The following LNX2 variants were observed in gnomAD, a reference collection of about 807,000 sequenced individuals.
The protein encoded by LNX2 is ligand of numb-protein X 2.
A neutral mutation model predicts 66.2 loss-of-function variants in LNX2; 35 were observed. The ratio of observed to expected loss-of-function variants is 0.53; its 90% CI spans 0.40 to 0.70. The LOEUF (loss-of-function observed/expected upper bound fraction) is 0.70, where lower values mean the gene tolerates loss of function less well. Among genes scored for constraint, LNX2 ranks in the 30% least tolerant of loss-of-function variants. The pLI is 0.00. For synonymous variants in LNX2, 337 were observed against 315.6 expected (o/e 1.07, Z -0.72); for missense variants, 791 against 850.8 (o/e 0.93, Z 0.87).
chr13:27,562,114 T>C (rs1274423666), intron 5 of LNX2, among the ~76,000 whole-genome samples: 2 of 152,208 alleles, frequency 1.3e-5, no homozygotes, highest in Non-Finnish European at 2.9e-5. Flanking sequence ...GGACATATCA[T>C]CTGCTACATC....
Position 27,548,129 on chromosome 13 carries a change from G to T in LNX2, c.*206C>A. 1.9e-6 allele frequency: 1 copy of T among 538,996 alleles called. No individual in the cohort carries two copies. The highest frequency in any genetic ancestry group is 3.3e-6 in the Non-Finnish European group (1 of 305,178). 33.4% of individuals were successfully genotyped at this position (538,996 alleles called of 1,614,324 possible). ...TGAAAATATAAACTCACAAAGGTTA[G>T]TGGAAGACTGTTTCCAAGCTAAAAG... On this transcript the variant is annotated 3_prime_UTR_variant, in exon 10 of 10. Transcript: ENST00000316334.
intron 6 of LNX2, among the ~76,000 whole-genome samples, chr13:27,558,529 C>A (rs1347369376): frequency 6.6e-6 from 1 of 151,936 alleles, no homozygotes; most frequent in South Asian, 2.1e-4. Flanking sequence ...TATATACACC[C>A]CTATCTCAAA....
chr13:27,568,992 T>A, intron 3 of LNX2, 37 bp downstream of exon 3: 1 of 1,552,774 alleles, frequency 6.4e-7, no homozygotes, highest in Non-Finnish European at 8.7e-7. Context: ...AGAAAGGAAA[T>A]AGAGATGAAA....
At chr13:27,602,761 A>G (rs749184231) in intron 1 of LNX2, among the ~76,000 whole-genome samples, 19 of 152,186 alleles carry the variant, frequency 1.2e-4, no homozygotes, top group Non-Finnish European at 2.5e-4. Context: ...ACCTTTCCCA[A>G]AGTGGTTGTA....
Position 27,592,514 on chromosome 13 carries a change from G to A in LNX2, c.-100-10711C>T, listed in dbSNP as rs138921013. Among the ~76,000 whole-genome samples the A allele has an allele frequency of 3.2e-3, 490 of 152,300 alleles. 5 individuals carry two copies. The highest frequency in any genetic ancestry group is 0.01 in the African/African-American group (421 of 41,566). Reference sequence around the variant, plus strand: ...GGACTGCCTGTTAGATTTCTAAGAAGAGACACTGAATAGACAGTTGCACAC... The same window carrying A: ...GGACTGCCTGTTAGATTTCTAAGAAAAGACACTGAATAGACAGTTGCACAC... On this transcript the variant is annotated intron_variant, in intron 1 of 9. Coordinates refer to ENST00000316334, the MANE Select transcript of LNX2 (RefSeq NM_153371.4).
intron 5 of LNX2, among the ~76,000 whole-genome samples, chr13:27,560,247 G>A (rs1300244197): frequency 1.3e-5 from 2 of 152,008 alleles, no homozygotes; most frequent in Admixed American, 6.6e-5. Context: ...AAGGCAAAGT[G>A]GTCACACTGC....
In LNX2 at chr13:27,567,853, A is replaced by T. The variant is rs763845747; in HGVS notation, c.656-14T>A. 6.2e-7 allele frequency: 1 copy of T among 1,608,484 alleles called. No individual in the cohort carries two copies. Among genetic ancestry groups the T allele is most frequent in the Admixed American group, 1.7e-5 (1 of 59,968 alleles). On this transcript the variant is annotated splice_polypyrimidine_tract_variant and intron_variant, in intron 3 of 9. Coordinates refer to ENST00000316334, the MANE Select transcript of LNX2 (RefSeq NM_153371.4). Reference sequence around the variant, plus strand: ...GCTGTTGTGTGGCTGCCAAGTTAAAAATGAGACAGACAAAAACAGATGTTA... The same window carrying T: ...GCTGTTGTGTGGCTGCCAAGTTAAATATGAGACAGACAAAAACAGATGTTA...
Position 27,581,361 on chromosome 13 carries a change from G to A in LNX2, c.343C>T (p.Pro115Ser). Residue 115 changes from proline to serine, a missense_variant, in exon 2 of 10, where the codon CCA becomes TCA. By Grantham distance (74) the Pro-to-Ser change is moderately conservative. Coordinates refer to ENST00000316334, the MANE Select transcript of LNX2 (RefSeq NM_153371.4). ...ACATCTTTGCACACTGAAGAAAATG[G>A]ACATAAAACTAATAATTTGTCTAGG... ...KLLDKLLVLC[P>S]FSSVCKDVMQ... The A allele has an allele frequency of 6.4e-7, 1 of 1,570,406 alleles. No individual in the cohort carries two copies. Among genetic ancestry groups the A allele is most frequent in the Non-Finnish European group, 8.7e-7 (1 of 1,154,686 alleles).
intron 1 of LNX2, among the ~76,000 whole-genome samples, chr13:27,613,916 C>T (rs1157862502): frequency 6.6e-6 from 1 of 152,214 alleles, no homozygotes; most frequent in Non-Finnish European, 1.5e-5. Context: ...CCCAGCACTT[C>T]TTAGGTACTT....
intron 1 of LNX2, among the ~76,000 whole-genome samples, chr13:27,615,151 G>A (rs553191755): frequency 6.6e-6 from 1 of 152,184 alleles, no homozygotes; most frequent in African/African-American, 2.4e-5. Flanking sequence ...GACACCAGTC[G>A]CAAGTGCAGG....
At chr13:27,573,439 T>C (rs1955306965) in intron 2 of LNX2, among the ~76,000 whole-genome samples, 1 of 98,292 alleles carries the variant, frequency 1.0e-5, no homozygotes, top group African/African-American at 4.7e-5. Flanking sequence ...TGTTAAGCAT[T>C]GGTTAAAAAA....
At chr13:27,565,584 TA>T (rs367626624) in intron 4 of LNX2, among the ~76,000 whole-genome samples, 16 of 152,310 alleles carry the variant, frequency 1.1e-4, no homozygotes, top group African/African-American at 3.6e-4. Context: ...GCTAAAGTAC[TA>T]ATATCATAAA....
Position 27,553,368 on chromosome 13 carries a change from T to G in LNX2, c.1618A>C (p.Lys540Gln), listed in dbSNP as rs778815401. Residue 540 changes from lysine (K) to glutamine (Q), a missense_variant, in exon 8 of 10, where the codon AAA (lysine) becomes CAA (glutamine). Coordinates refer to ENST00000316334, the MANE Select transcript of LNX2 (RefSeq NM_153371.4). ...LSHSEAVAML[K>Q]ASAASPAVAL... The stretch of plus-strand genomic sequence containing the variant: ...ACAGCAGGGGACGCGGCACTGGCTT[T>G]CAGCATTGCAACTGCCTCACTGTGA... The G allele has an allele frequency of 2.5e-5, 40 of 1,614,070 alleles. No homozygotes were observed. The highest frequency in any genetic ancestry group is 1.7e-6 in the Non-Finnish European group (2 of 1,180,046).
chr13:27,604,784 C>T (rs977138083), intron 1 of LNX2, among the ~76,000 whole-genome samples: 1 of 151,402 alleles, frequency 6.6e-6, no homozygotes, highest in Non-Finnish European at 1.5e-5. Context: ...TGTTGCAACC[C>T]CTTTTCTTAT....
intron 1 of LNX2, among the ~76,000 whole-genome samples, chr13:27,616,272 C>T (rs1433939731): frequency 1.3e-5 from 2 of 151,894 alleles, no homozygotes; most frequent in Non-Finnish European, 2.9e-5. Context: ...TTGTCTAAAG[C>T]CCTGGGATCA....
intron 4 of LNX2, among the ~76,000 whole-genome samples, chr13:27,565,047 A>G (rs1381534124): frequency 1.3e-5 from 2 of 152,202 alleles, no homozygotes; most frequent in Non-Finnish European, 2.9e-5. Context: ...ACTAGATGTA[A>G]GATTGCCATT....
At chr13:27,552,612 C>T (rs1162818358) in intron 8 of LNX2, among the ~76,000 whole-genome samples, 1 of 152,118 alleles carries the variant, frequency 6.6e-6, no homozygotes, top group Non-Finnish European at 1.5e-5. Context: ...AAGGAATGTA[C>T]CCTGGGATGC....
At chr13:27,620,558 C>T (rs1445941271), upstream of LNX2, among the ~76,000 whole-genome samples, 1 of 152,174 alleles carries the variant, frequency 6.6e-6, no homozygotes, top group Non-Finnish European at 1.5e-5. Context: ...GCCAAGACTT[C>T]ACTTCTCAAC....
At chr13:27,609,521 T>C (rs1241520996) in intron 1 of LNX2, among the ~76,000 whole-genome samples, 1 of 152,210 alleles carries the variant, frequency 6.6e-6, no homozygotes. Context: ...AACTACATAA[T>C]GGTTTGCTTT....
Sources: allele counts gnomAD v4.1 joint callset (sites outside exome capture counted in the v4.1 genomes callset), GRCh38; gene constraint gnomAD v4.1.1; transcripts MANE v1.5; gene names NCBI Gene and HGNC (gene_info 2026-07-23, HGNC 2026-07-21).